Variants in LAMA2 observed in about 807,000 individuals in gnomAD.
The protein encoded by LAMA2 is laminin subunit alpha-2.
A neutral mutation model predicts 364.8 loss-of-function variants in LAMA2; 269 were observed. That is an observed-to-expected ratio of 0.74 (90% CI 0.67 to 0.82). The LOEUF (loss-of-function observed/expected upper bound fraction) is 0.82. LAMA2 is among the 40% of genes least tolerant of loss of function. The probability of loss-of-function intolerance (pLI) is 0.00; values close to 1 mark genes in which losing one functional copy is unlikely to be tolerated. For synonymous variants in LAMA2, 1,379 were observed against 1,370.6 expected, an observed-to-expected ratio of 1.01 and a Z score of -0.14; for missense variants, 3,807 against 3,873.2, an observed-to-expected ratio of 0.98 and a Z score of 0.45.
At chr6:128,936,030 T>C (rs921309198) in intron 1 of LAMA2, among the ~76,000 whole-genome samples, 2 of 152,210 alleles carry the variant, frequency 1.3e-5, no homozygotes, top group Admixed American at 6.5e-5. Flanking sequence ...CTGATAGTTT[T>C]ATAAGGGGCT....
chr6:129,118,047 T>G (rs1776577265), intron 4 of LAMA2, among the ~76,000 whole-genome samples: 1 of 152,146 alleles, frequency 6.6e-6, no homozygotes, highest in African/African-American at 2.4e-5. Context: ...TTAACTAAAC[T>G]TTGCTTGTCT....
intron 10 of LAMA2, among the ~76,000 whole-genome samples, chr6:129,187,367 G>A (rs1781288885): frequency 6.6e-6 from 1 of 151,728 alleles, no homozygotes; most frequent in Non-Finnish European, 1.5e-5. Flanking sequence ...ATACTTCTGT[G>A]TTTGAACTGT....
intron 35 of LAMA2, 80 bp downstream of exon 35, chr6:129,383,313 C>A (rs1778800436): frequency 1.8e-6 from 2 of 1,103,304 alleles, no homozygotes; most frequent in South Asian, 1.3e-5. Context: ...ACTGGAATTT[C>A]TCTTGTTATA....
chr6:129,303,840 C>T (rs781546528), intron 22 of LAMA2, among the ~76,000 whole-genome samples: 26 of 152,132 alleles, frequency 1.7e-4, no homozygotes, highest in Non-Finnish European at 2.9e-4. Context: ...TTTGGATCTA[C>T]GTTTATAAGA....
At chr6:129,276,910 T>C (rs1166146178) in intron 17 of LAMA2, among the ~76,000 whole-genome samples, 1 of 152,126 alleles carries the variant, frequency 6.6e-6, no homozygotes, top group Non-Finnish European at 1.5e-5. Context: ...CATAAACATA[T>C]ATAGATTGTT....
chr6:129,430,243 A>T (rs965152112), intron 41 of LAMA2, among the ~76,000 whole-genome samples: 12 of 152,194 alleles, frequency 7.9e-5, no homozygotes, highest in African/African-American at 2.9e-4. Flanking sequence ...ATAGAGATTT[A>T]GTCATTTCTC....
At chr6:128,929,125 A>G (rs890831013) in intron 1 of LAMA2, 1 of 1,443,628 alleles carries the variant, frequency 6.9e-7, no homozygotes, top group Non-Finnish European at 9.7e-7. Context: ...ACAGATCCAA[A>G]AACTCTGGAT....
chr6:129,301,958 C>T (rs988372364), intron 22 of LAMA2, among the ~76,000 whole-genome samples: 1 of 151,980 alleles, frequency 6.6e-6, no homozygotes, highest in Non-Finnish European at 1.5e-5. Context: ...TTTTGTAATT[C>T]ATCCATATTG....
intron 37 of LAMA2, among the ~76,000 whole-genome samples, chr6:129,400,200 C>A (rs1779891237): frequency 6.6e-6 from 1 of 152,114 alleles, no homozygotes; most frequent in Non-Finnish European, 1.5e-5. Context: ...GGGCAGTAAT[C>A]CCGTTTATGA....
intron 12 of LAMA2, among the ~76,000 whole-genome samples, chr6:129,234,749 T>G (rs1387358333): frequency 6.6e-6 from 1 of 152,188 alleles, no homozygotes; most frequent in Non-Finnish European, 1.5e-5. Context: ...TTAGAAAATT[T>G]AATTACACGT....
At chr6:129,374,831 C>T (rs1013851274) in intron 34 of LAMA2, among the ~76,000 whole-genome samples, 28 of 151,486 alleles carry the variant, frequency 1.8e-4, no homozygotes, top group African/African-American at 6.5e-4. Flanking sequence ...GTGATCCACC[C>T]GCCTCAGCCT....
chr6:129,174,130 T>G (rs1478101733), intron 9 of LAMA2, among the ~76,000 whole-genome samples: 1 of 152,050 alleles, frequency 6.6e-6, no homozygotes, highest in Non-Finnish European at 1.5e-5. Flanking sequence ...ATTTTGATTT[T>G]TTTGTGTATT....
At chr6:129,374,483 C>T (rs1293825721) in intron 34 of LAMA2, among the ~76,000 whole-genome samples, 3 of 152,124 alleles carry the variant, frequency 2.0e-5, no homozygotes, top group African/African-American at 7.2e-5. Context: ...CAAGAACTCC[C>T]CAGATTATAC....
At chr6:129,243,598 G>A (rs1048504746) in intron 12 of LAMA2, among the ~76,000 whole-genome samples, 16 of 151,944 alleles carry the variant, frequency 1.1e-4, no homozygotes, top group Admixed American at 2.6e-4. Flanking sequence ...CTGGTGGTCT[G>A]TTCCAGAACT....
chr6:128,948,042 A>G (rs1259402623), intron 1 of LAMA2, among the ~76,000 whole-genome samples: 2 of 152,130 alleles, frequency 1.3e-5, no homozygotes, highest in Admixed American at 1.3e-4. Context: ...AAATACAGAG[A>G]TGAAAGGGTG....
intron 5 of LAMA2, 70 bp from the exon 6 acceptor site, chr6:129,146,889 A>G: frequency 1.1e-6 from 1 of 931,980 alleles, no homozygotes; most frequent in Non-Finnish European, 1.8e-6. Flanking sequence ...GTTTTTACTG[A>G]ATGTCCCCTT....
chr6:129,464,962 A>T (rs1324672629), intron 50 of LAMA2, among the ~76,000 whole-genome samples, 183 bp from the exon 51 acceptor site: 1 of 152,008 alleles, frequency 6.6e-6, no homozygotes, highest in Admixed American at 6.6e-5. Flanking sequence ...GCATCATAAT[A>T]TCACAGCCAC....
At chr6:129,376,843 G>C (rs1778401746) in intron 34 of LAMA2, among the ~76,000 whole-genome samples, 1 of 152,068 alleles carries the variant, frequency 6.6e-6, no homozygotes, top group Non-Finnish European at 1.5e-5. Context: ...TTATCTACAT[G>C]ATCATTTGAC....
rs139387052 is a variant in LAMA2, at chr6:129,117,639, T to A, written c.639+19224T>A. On this transcript the variant is annotated intron_variant, in intron 4 of 64. Coordinates refer to ENST00000421865, the MANE Select transcript of LAMA2 (RefSeq NM_000426.4). ...CAAAAGTGTTTTTTCAGATGGCTTA[T>A]GGTTAGAACCAATATATTTTTCTAG... Among the ~76,000 whole-genome samples, 806 of 152,376 alleles carry A rather than the reference T, an allele frequency of 5.3e-3. 6 individuals are homozygous for A. The highest frequency in any genetic ancestry group is 0.018 in the African/African-American group (746 of 41,590).
Sources: allele counts gnomAD v4.1 joint callset (sites outside exome capture counted in the v4.1 genomes callset), GRCh38; gene constraint gnomAD v4.1.1; transcripts MANE v1.5; gene names NCBI Gene and HGNC (gene_info 2026-07-23, HGNC 2026-07-21).